The following FGD3 variants were observed in gnomAD, a reference collection of about 807,000 sequenced individuals.
FGD3 encodes FYVE, RhoGEF and PH domain-containing protein 3.
FGD3 carries 45 observed loss-of-function variants against 71.8 expected under a neutral mutation model. That is an observed-to-expected ratio of 0.63 (90% CI 0.49 to 0.80). FGD3 has a LOEUF of 0.80. Ranked by LOEUF, FGD3 falls within the 30% of genes least tolerant of loss-of-function variation. FGD3 has a pLI of 0.00. For missense variants in FGD3, 844 were observed against 951.5 expected, an observed-to-expected ratio of 0.89 and a Z score of 1.49; for synonymous variants, 378 against 392.8, an observed-to-expected ratio of 0.96 and a Z score of 0.44.
chr9:92,972,437 A>G (rs1380392029), intron 1 of FGD3, among the ~76,000 whole-genome samples: 1 of 146,128 alleles, frequency 6.8e-6, no homozygotes, highest in Non-Finnish European at 1.5e-5. Context: ...TGTGTGACAG[A>G]GCGAGACTCC....
rs1444893222 is a variant in FGD3, at chr9:93,032,829, A to C, written c.1741A>C (p.Arg581=). Residue 581 remains arginine, a synonymous_variant, in exon 16 of 18, where the codon AGA becomes CGA. Coordinates refer to ENST00000375482, the MANE Select transcript of FGD3 (RefSeq NM_001083536.2). ...GAACAGCCGGCAGAGCCGTGTCTGC[A>C]GAGATTGTTTCCTGACACAGCCAGT... ...AENSRQSRVC[R]DCFLTQPVAP... is the part of the protein sequence containing the mutation. 6.2e-7 allele frequency: 1 copy of C among 1,613,948 alleles called. No homozygotes were observed. The highest frequency in any genetic ancestry group is 1.3e-5 in the African/African-American group (1 of 74,910).
intron 3 of FGD3, among the ~76,000 whole-genome samples, chr9:92,990,090 A>AT (rs967087633): frequency 1.6e-3 from 245 of 151,574 alleles, no homozygotes; most frequent in African/African-American, 5.4e-3. Context: ...ACTTTATGAA[A>AT]TTTTTTTTTA....
At chr9:92,958,696 C>T (rs915922252) in intron 1 of FGD3, among the ~76,000 whole-genome samples, 4 of 152,192 alleles carry the variant, frequency 2.6e-5, no homozygotes, top group African/African-American at 4.8e-5. Context: ...ACAGTTTTAG[C>T]ATTCACAATT....
At chr9:93,033,078 C>G in intron 16 of FGD3, 1 of 648,572 alleles carries the variant, frequency 1.5e-6, no homozygotes, top group Non-Finnish European at 2.8e-6. Flanking sequence ...CGGGACCAGC[C>G]AGGGCCAAGG....
chr9:92,947,992 G>T (rs916668759), intron 1 of FGD3, among the ~76,000 whole-genome samples: 6 of 152,212 alleles, frequency 3.9e-5, no homozygotes, highest in East Asian at 1.9e-4. Flanking sequence ...CCTCGCGGTG[G>T]GTCCTGGGAC....
chr9:92,957,404 A>G (rs770355798), intron 1 of FGD3, among the ~76,000 whole-genome samples: 12 of 152,234 alleles, frequency 7.9e-5, no homozygotes, highest in Non-Finnish European at 1.6e-4. Flanking sequence ...GTAGCGGTTC[A>G]GATGGGGCTG....
At chr9:92,952,278 C>G (rs1399752837) in intron 1 of FGD3, among the ~76,000 whole-genome samples, 1 of 150,280 alleles carries the variant, frequency 6.7e-6, no homozygotes, top group African/African-American at 2.5e-5. Context: ...GCTCTGTCGC[C>G]CGGGCTGGAG....
chr9:93,006,214 T>C (rs1344552323), intron 6 of FGD3, 34 bp downstream of exon 6: 1 of 1,498,644 alleles, frequency 6.7e-7, no homozygotes, highest in African/African-American at 1.4e-5. Flanking sequence ...GACACAGATG[T>C]TCTCAAGATG....
At chr9:92,954,111 C>G (rs998471575) in intron 1 of FGD3, among the ~76,000 whole-genome samples, 5 of 152,126 alleles carry the variant, frequency 3.3e-5, no homozygotes, top group African/African-American at 9.7e-5. Flanking sequence ...AGCTCACCAC[C>G]CAGAGACGGT....
rs1241616013 is a variant in FGD3, at chr9:92,976,477, G to A, written c.221G>A (p.Arg74Gln). 13 of 1,611,846 alleles carry A rather than the reference G, an allele frequency of 8.1e-6. No individual in the cohort carries two copies. The highest frequency in any genetic ancestry group is 1.1e-5 in the Non-Finnish European group (13 of 1,179,540). The change falls in exon 3 of 18, where the codon CGG (arginine) becomes CAG (glutamine). Residue 74 changes from arginine (R) to glutamine (Q), a missense_variant. Physicochemically the swap from Arg to Gln is conservative, Grantham distance 43 (BLOSUM62 1). Transcript: ENST00000375482. ...ELSGSLKIPNRDSGIDSPSSS... is the reference protein window; with the variant it reads ...ELSGSLKIPNQDSGIDSPSSS... ...AGTGGTAGCTTAAAGATCCCCAACC[G>A]GGACAGCGGGATCGACAGTCCCTCC...
chr9:92,955,139 TG>T (rs1859027241), intron 1 of FGD3, among the ~76,000 whole-genome samples: 2 of 152,218 alleles, frequency 1.3e-5, no homozygotes, highest in South Asian at 4.2e-4. Flanking sequence ...GGAATGAGGC[TG>T]GGAGGCTGCA....
intron 3 of FGD3, among the ~76,000 whole-genome samples, chr9:92,987,725 AC>A (rs1229463353): frequency 6.6e-6 from 1 of 152,102 alleles, no homozygotes; most frequent in Non-Finnish European, 1.5e-5. Flanking sequence ...CCAGTGGCCC[AC>A]CAGCACTTGG....
intron 6 of FGD3, among the ~76,000 whole-genome samples, chr9:93,007,309 C>T (rs965907579): frequency 6.6e-6 from 1 of 151,506 alleles, no homozygotes; most frequent in Non-Finnish European, 1.5e-5. Flanking sequence ...GCCAGGATGT[C>T]TCGATTTCCT....
intron 3 of FGD3, among the ~76,000 whole-genome samples, chr9:92,988,808 T>G (rs1436997986): frequency 6.6e-6 from 1 of 152,160 alleles, no homozygotes; most frequent in Admixed American, 6.5e-5. Context: ...GTATACCCTT[T>G]CCCTATGGCA....
In FGD3 at chr9:92,990,492, T is replaced by A. The variant is rs575551832; in HGVS notation, c.454-12433T>A. Among the ~76,000 whole-genome samples the A allele has an allele frequency of 1.5e-3, 223 of 152,352 alleles. 1 individual carries two copies. The highest frequency in any genetic ancestry group is 5.1e-3 in the African/African-American group (214 of 41,584). On this transcript the variant is annotated intron_variant, in intron 3 of 17. Coordinates refer to ENST00000375482, the MANE Select transcript of FGD3 (RefSeq NM_001083536.2). Reference sequence around the variant, plus strand: ...GTGGGGAAAGTGGGCATCCTTGTCTTGTTCCAATTCTTAGAGGAGAAGCTT... The same window carrying A: ...GTGGGGAAAGTGGGCATCCTTGTCTAGTTCCAATTCTTAGAGGAGAAGCTT...
At chr9:92,961,026 C>T (rs1300744211) in intron 1 of FGD3, among the ~76,000 whole-genome samples, 5 of 151,908 alleles carry the variant, frequency 3.3e-5, no homozygotes, top group South Asian at 2.1e-4. Context: ...TCCTGGTGGG[C>T]GGGCACTCCC....
At chr9:93,029,823 A>G (rs775200147) in intron 14 of FGD3, 51 bp from the exon 15 acceptor site, 6 of 1,577,030 alleles carry the variant, frequency 3.8e-6, no homozygotes, top group Non-Finnish European at 5.2e-6. Flanking sequence ...CGTGTGGGGT[A>G]GGGTGCACAC....
chr9:92,963,002 C>T (rs1268979832), intron 1 of FGD3, among the ~76,000 whole-genome samples: 1 of 152,014 alleles, frequency 6.6e-6, no homozygotes, highest in Non-Finnish European at 1.5e-5. Flanking sequence ...GCCACAGCAC[C>T]CATGCGTCCG....
intron 14 of FGD3, among the ~76,000 whole-genome samples, chr9:93,028,995 G>GTTTGTTTTTT (rs1862244752): frequency 1.9e-5 from 1 of 51,716 alleles, no homozygotes; most frequent in Non-Finnish European, 3.7e-5. Flanking sequence ...TGTCCTCACA[G>GTTTGTTTTTT]TTTTTTTTTT....
Sources: gnomAD v4.1 joint callset for allele counts (sites outside exome capture counted in the v4.1 genomes callset) on GRCh38, gnomAD v4.1.1 for gene constraint, MANE v1.5 for transcripts, NCBI Gene and HGNC (gene_info 2026-07-23, HGNC 2026-07-21) for gene names.